The following APBA1 variants were observed in gnomAD, a reference collection of about 807,000 sequenced individuals.
APBA1 encodes the protein amyloid-beta A4 precursor protein-binding family A member 1.
APBA1 carries 55 observed loss-of-function variants against 86.6 expected under a neutral mutation model. The ratio of observed to expected loss-of-function variants is 0.64; its 90% CI spans 0.51 to 0.80. APBA1 has a LOEUF of 0.80. Among genes scored for constraint, APBA1 ranks in the 30% least tolerant of loss-of-function variants. The pLI is 0.00. For synonymous variants in APBA1, 511 were observed against 493.9 expected (o/e 1.03, Z -0.46); for missense variants, 1,090 against 1,183.0 (o/e 0.92, Z 1.15).
intron 1 of APBA1, among the ~76,000 whole-genome samples, chr9:69,615,319 C>T (rs759710086): frequency 2.6e-5 from 4 of 152,172 alleles, no homozygotes; most frequent in African/African-American, 9.7e-5. Context: ...CTAATTCCTT[C>T]CAAAATTCAG....
At chr9:69,624,305 G>A (rs1822884869) in intron 1 of APBA1, among the ~76,000 whole-genome samples, 1 of 152,194 alleles carries the variant, frequency 6.6e-6, no homozygotes, top group Non-Finnish European at 1.5e-5. Context: ...AGCAAGTAAT[G>A]TTCATTCTTA....
chr9:69,476,844 T>G (rs1274984091), intron 2 of APBA1, among the ~76,000 whole-genome samples: 2 of 152,194 alleles, frequency 1.3e-5, no homozygotes, highest in African/African-American at 2.4e-5. Flanking sequence ...TTGCCTGGGC[T>G]GATGGGACCC....
chr9:69,453,953 C>G (rs1221383479), intron 8 of APBA1, among the ~76,000 whole-genome samples: 2 of 152,226 alleles, frequency 1.3e-5, no homozygotes, highest in East Asian at 1.9e-4. Flanking sequence ...AGGGGTTAAA[C>G]TGCACACTTC....
Position 69,533,021 on chromosome 9 carries a change from T to C in APBA1, c.-69-15742A>G, listed in dbSNP as rs1588345863. Among the ~76,000 whole-genome samples, 2 of 152,280 alleles carry C rather than the reference T, an allele frequency of 1.3e-5. 1 individual carries two copies. Among genetic ancestry groups the C allele is most frequent in the Admixed American group, 1.3e-4 (2 of 15,294 alleles). On this transcript the variant is annotated intron_variant, in intron 1 of 12. Coordinates refer to ENST00000265381, the MANE Select transcript of APBA1 (RefSeq NM_001163.4). ...AGACCAAAAACAACTAAAATGCCCA[T>C]CATTAGGCAATTGGTAAAATAAATT...
chr9:69,531,281 A>G (rs1478466865), intron 1 of APBA1, among the ~76,000 whole-genome samples: 1 of 152,168 alleles, frequency 6.6e-6, no homozygotes, highest in Non-Finnish European at 1.5e-5. Context: ...CTTTTGCAGA[A>G]TAATTTGGCT....
At chr9:69,638,586 T>G (rs958560456) in intron 1 of APBA1, among the ~76,000 whole-genome samples, 1 of 152,170 alleles carries the variant, frequency 6.6e-6, no homozygotes, top group African/African-American at 2.4e-5. Flanking sequence ...CTCTCTTCAT[T>G]TATGTGTACA....
intron 1 of APBA1, among the ~76,000 whole-genome samples, chr9:69,576,284 G>C (rs1355521001): frequency 4.6e-5 from 7 of 152,222 alleles, no homozygotes; most frequent in African/African-American, 1.7e-4. Flanking sequence ...TTCAACCATT[G>C]TGGAAGTCAG....
chr9:69,668,399 A>G (rs1823882942), intron 1 of APBA1, among the ~76,000 whole-genome samples: 1 of 152,140 alleles, frequency 6.6e-6, no homozygotes, highest in Non-Finnish European at 1.5e-5. Context: ...CAAGCTCCTC[A>G]GATAATTCCC....
chr9:69,615,625 T>C (rs1822683554), intron 1 of APBA1, among the ~76,000 whole-genome samples: 1 of 152,218 alleles, frequency 6.6e-6, no homozygotes, highest in Non-Finnish European at 1.5e-5. Context: ...ATGTCATCAA[T>C]GTAAAGATAA....
chr9:69,440,434 G>T (rs184249158), intron 11 of APBA1, among the ~76,000 whole-genome samples: 1 of 151,338 alleles, frequency 6.6e-6, no homozygotes, highest in Non-Finnish European at 1.5e-5. Context: ...GCTCCACCCC[G>T]TTCGAGCTTC....
intron 1 of APBA1, among the ~76,000 whole-genome samples, chr9:69,602,966 C>A (rs1006726829): frequency 6.6e-6 from 1 of 152,200 alleles, no homozygotes; most frequent in Admixed American, 6.5e-5. Flanking sequence ...TATCAAAAGA[C>A]TTTTGGCAGC....
rs559715737 is a variant in APBA1 at position 69,643,484 on chromosome 9, C to A, written c.-70+28669G>T. On this transcript the variant is annotated intron_variant, in intron 1 of 12. Transcript: ENST00000265381. ...GCCTCAGGAAGCTTTGGGACCAAGA[C>A]TGGCACATCTCTCCTCCTCATGGAC... is the stretch of plus-strand genomic sequence containing the variant. 1.8e-4 allele frequency among the ~76,000 whole-genome samples: 28 copies of A among 152,316 alleles called. 1 individual carries two copies. The highest frequency in any genetic ancestry group is 1.5e-4 in the Non-Finnish European group (10 of 68,012).
At chr9:69,548,452 A>T (rs757789810) in intron 1 of APBA1, among the ~76,000 whole-genome samples, 50 of 152,268 alleles carry the variant, frequency 3.3e-4, no homozygotes, top group Non-Finnish European at 5.0e-4. Flanking sequence ...AATTTGTTAC[A>T]GCAACAATAG....
Position 69,584,711 on chromosome 9 carries a change from A to C in APBA1, c.-69-67432T>G, listed in dbSNP as rs561759042. 3.9e-5 allele frequency among the ~76,000 whole-genome samples: 6 copies of C among 152,364 alleles called. No homozygotes were observed. In the South Asian group the frequency reaches 1.2e-3, roughly 32 times the overall value. ...AGGGGAAATAATGCCCTTTCAATGA[A>C]GTGAAATCCATCCCACTGATTATAA... On this transcript the variant is annotated intron_variant, in intron 1 of 12. Coordinates refer to ENST00000265381, the MANE Select transcript of APBA1 (RefSeq NM_001163.4).
At chr9:69,502,557 T>C (rs983148125) in intron 2 of APBA1, among the ~76,000 whole-genome samples, 1 of 152,056 alleles carries the variant, frequency 6.6e-6, no homozygotes, top group Admixed American at 6.5e-5. Flanking sequence ...TCACAGTTCA[T>C]AGAAAAACGT....
In APBA1 at chr9:69,562,451, T is replaced by G. The variant is rs1836961404; in HGVS notation, c.-69-45172A>C. 2.0e-5 allele frequency among the ~76,000 whole-genome samples: 3 copies of G among 152,096 alleles called. No homozygotes were observed. The South Asian group carries it at 6.2e-4, about 32-fold the overall frequency. ...GTGCAGTGGCATGATCTCGGCTCACTGCAACCTCTGCCTCCTGGGTTCAAT... is the reference window on the plus strand; with the variant it reads ...GTGCAGTGGCATGATCTCGGCTCACGGCAACCTCTGCCTCCTGGGTTCAAT... On this transcript the variant is annotated intron_variant, in intron 1 of 12. Coordinates refer to ENST00000265381, the MANE Select transcript of APBA1 (RefSeq NM_001163.4).
chr9:69,548,586 G>A (rs11789317), intron 1 of APBA1, among the ~76,000 whole-genome samples: 1,776 of 152,290 alleles, frequency 0.012, 6 homozygotes, highest in Non-Finnish European at 0.02. Context: ...ACAAATTAAC[G>A]GACTGGAGGC....
intron 11 of APBA1, among the ~76,000 whole-genome samples, chr9:69,439,615 G>A (rs1007486143): frequency 9.2e-5 from 14 of 151,746 alleles, no homozygotes; most frequent in African/African-American, 3.4e-4. Context: ...CATTCTTGTA[G>A]TGTGGTTTTC....
At chr9:69,482,273 C>CA (rs1344282809) in intron 2 of APBA1, among the ~76,000 whole-genome samples, 1 of 53,900 alleles carries the variant, frequency 1.9e-5, no homozygotes, top group African/African-American at 6.1e-5. Flanking sequence ...AACAAATTTA[C>CA]AAGAAAAAAA....
Sources: gnomAD v4.1 joint callset for allele counts (sites outside exome capture counted in the v4.1 genomes callset) on GRCh38, gnomAD v4.1.1 for gene constraint, MANE v1.5 for transcripts, NCBI Gene and HGNC (gene_info 2026-07-23, HGNC 2026-07-21) for gene names.